The following SLC4A4 variants were observed in gnomAD, a reference collection of about 807,000 sequenced individuals.
SLC4A4 encodes solute carrier family 4 member 4, also known as electrogenic sodium bicarbonate cotransporter 1.
Under a neutral mutation model 111.5 loss-of-function variants are expected in SLC4A4, and 27 were observed. The observed-to-expected ratio is 0.24, with a 90% CI of 0.18 to 0.33. The LOEUF (loss-of-function observed/expected upper bound fraction) is 0.33, where lower values mean the gene tolerates loss of function less well. Among genes scored for constraint, SLC4A4 ranks in the 10% least tolerant of loss-of-function variants. The pLI is 1.00. For missense variants in SLC4A4, 909 were observed against 1,315.5 expected (o/e 0.69, Z 4.78); for synonymous variants, 443 against 463.4 (o/e 0.96, Z 0.57).
chr4:71,420,592 C>A (rs780410797), intron 7 of SLC4A4, among the ~76,000 whole-genome samples: 5 of 152,090 alleles, frequency 3.3e-5, no homozygotes, highest in Admixed American at 3.3e-4. Context: ...AGAGAAAGGT[C>A]GGGTTACTCA....
At chr4:71,378,007 A>G (rs1473697004) in intron 6 of SLC4A4, among the ~76,000 whole-genome samples, 1 of 152,192 alleles carries the variant, frequency 6.6e-6, no homozygotes, top group Non-Finnish European at 1.5e-5. Flanking sequence ...GAAACCCCTG[A>G]TAAACCCATC....
intron 1 of SLC4A4, among the ~76,000 whole-genome samples, chr4:71,235,041 G>A (rs759890219): frequency 2.6e-5 from 4 of 152,090 alleles, no homozygotes; most frequent in Non-Finnish European, 5.9e-5. Context: ...GTGCTTTTAG[G>A]TATGTTACCT....
chr4:71,454,098 G>A (rs550132779), intron 12 of SLC4A4, among the ~76,000 whole-genome samples: 24 of 152,068 alleles, frequency 1.6e-4, no homozygotes, highest in Admixed American at 5.2e-4. Context: ...ACCATTGAGC[G>A]ATTTGCTCAA....
intron 3 of SLC4A4, chr4:71,339,031 T>C (rs1728664833): frequency 4.2e-6 from 6 of 1,441,978 alleles, no homozygotes; most frequent in Non-Finnish European, 5.5e-6. Flanking sequence ...TCTTATAATT[T>C]TGGATGAGTC....
chr4:71,174,337 C>A (rs1464019458), intron 2 of SLC4A4, among the ~76,000 whole-genome samples: 2 of 151,378 alleles, frequency 1.3e-5, no homozygotes, highest in African/African-American at 4.9e-5. Flanking sequence ...GCAGTCTCTG[C>A]TTCCTGGGTT....
chr4:71,088,410 G>T (rs1465137498), intron 1 of SLC4A4, among the ~76,000 whole-genome samples: 2 of 151,806 alleles, frequency 1.3e-5, no homozygotes, highest in African/African-American at 4.9e-5. Context: ...TTACATTTAA[G>T]GTTAATATTG....
intron 3 of SLC4A4, among the ~76,000 whole-genome samples, chr4:71,311,892 A>C (rs796698450): frequency 0.036 from 4,029 of 111,588 alleles, 194 homozygotes; most frequent in Admixed American, 0.17. Flanking sequence ...CAAGGCTGTG[A>C]GAGAGAGAGA....
At chr4:71,458,555 T>A (rs1726506480) in intron 12 of SLC4A4, among the ~76,000 whole-genome samples, 1 of 152,054 alleles carries the variant, frequency 6.6e-6, no homozygotes, top group Non-Finnish European at 1.5e-5. Flanking sequence ...TTTTGTGATA[T>A]TTATGGAGCT....
At chr4:71,349,841 G>C in intron 4 of SLC4A4, 71 bp from the exon 5 acceptor site, 1 of 1,411,276 alleles carries the variant, frequency 7.1e-7, no homozygotes, top group Non-Finnish European at 1.0e-6. Flanking sequence ...GAAGATGGAG[G>C]GGTTGAGACT....
At chr4:71,063,364 G>A (rs972652251) in intron 1 of SLC4A4, among the ~76,000 whole-genome samples, 3 of 152,082 alleles carry the variant, frequency 2.0e-5, no homozygotes, top group African/African-American at 2.4e-5. Context: ...TATGTGTTAC[G>A]TAGTTTTTCT....
At chr4:71,536,492 A>ATATATATATTTATT (rs1246136965) in intron 18 of SLC4A4, among the ~76,000 whole-genome samples, 1 of 126,644 alleles carries the variant, frequency 7.9e-6, no homozygotes. Flanking sequence ...ATATATGTAT[A>ATATATATATTTATT]TATTTATTTA....
At chr4:71,497,251 G>A (rs943619932) in intron 15 of SLC4A4, among the ~76,000 whole-genome samples, 1 of 152,106 alleles carries the variant, frequency 6.6e-6, no homozygotes, top group African/African-American at 2.4e-5. Context: ...ACAAGTGGGC[G>A]ATTTTAAGGC....
intron 6 of SLC4A4, among the ~76,000 whole-genome samples, chr4:71,382,129 C>T (rs114107055): frequency 6.6e-6 from 1 of 151,698 alleles, no homozygotes; most frequent in African/African-American, 2.4e-5. Flanking sequence ...TTTATTGAGA[C>T]TCCTGATGTT....
At chr4:71,383,150 G>A (rs980072853) in intron 6 of SLC4A4, among the ~76,000 whole-genome samples, 3 of 152,056 alleles carry the variant, frequency 2.0e-5, no homozygotes, top group South Asian at 2.1e-4. Flanking sequence ...AGTAAATATA[G>A]GAAAGTATAT....
At chr4:71,211,441 G>C (rs1378858595) in intron 1 of SLC4A4, among the ~76,000 whole-genome samples, 1 of 152,154 alleles carries the variant, frequency 6.6e-6, no homozygotes, top group African/African-American at 2.4e-5. Context: ...ACACCATGAG[G>C]TTGTTTTTAC....
chr4:71,281,828 T>TA (rs1185204576), intron 3 of SLC4A4, among the ~76,000 whole-genome samples: 1 of 152,184 alleles, frequency 6.6e-6, no homozygotes, highest in Non-Finnish European at 1.5e-5. Context: ...AGTGATACGT[T>TA]AGTATTGCCA....
chr4:71,424,101 G>A (rs1444419225), intron 7 of SLC4A4, among the ~76,000 whole-genome samples: 1 of 152,026 alleles, frequency 6.6e-6, no homozygotes, highest in South Asian at 2.1e-4. Context: ...TTCTGACAAA[G>A]GGCTAATATC....
Position 71,566,813 on chromosome 4 carries a change from A to C in SLC4A4, c.3197-191A>C, listed in dbSNP as rs6813934. ...CAGTGATCCATCCCAGAAAACCTAA[A>C]GTAAAAGAGATGAAGTGATTTTGTC... is the stretch of plus-strand genomic sequence containing the variant. On this transcript the variant is annotated intron_variant, in intron 24 of 25. Transcript: ENST00000264485. Among the ~76,000 whole-genome samples, 136,527 of 151,624 alleles carry C rather than the reference A, an allele frequency of 0.9. 62,899 individuals are homozygous for C. Among genetic ancestry groups the C allele is most frequent in the Non-Finnish European group, 0.99 (67,226 of 67,808 alleles).
Position 71,410,573 on chromosome 4 carries a change from G to A in SLC4A4, c.807+12920G>A, listed in dbSNP as rs540825523. On this transcript the variant is annotated intron_variant, in intron 7 of 25. Coordinates refer to ENST00000264485, the MANE Select transcript of SLC4A4 (RefSeq NM_001098484.3). ...TAACTAGCTTGCTTTTGATTTTACA[G>A]GCTCACAGGCAAAAGGGACTTGCCT... Among the ~76,000 whole-genome samples the A allele has an allele frequency of 1.9e-3, 287 of 152,294 alleles. 1 individual carries two copies. The highest frequency in any genetic ancestry group is 2.4e-3 in the Non-Finnish European group (160 of 68,034).
Sources: allele counts gnomAD v4.1 joint callset (sites outside exome capture counted in the v4.1 genomes callset), GRCh38; gene constraint gnomAD v4.1.1; transcripts MANE v1.5; gene names NCBI Gene and HGNC (gene_info 2026-07-23, HGNC 2026-07-21).